The following PHLDB3 variants were observed in gnomAD, a reference collection of about 807,000 sequenced individuals.
The protein encoded by PHLDB3 is pleckstrin homology like domain family B member 3.
In PHLDB3, 86 loss-of-function variants were observed where a neutral mutation model predicts 85.7. The ratio of observed to expected loss-of-function variants is 1.00; its 90% CI spans 0.84 to 1.20. The LOEUF (loss-of-function observed/expected upper bound fraction) is 1.20, where lower values mean the gene tolerates loss of function less well. Among genes scored for constraint, PHLDB3 ranks in the 50% most tolerant of loss-of-function variants. The pLI, the probability that PHLDB3 is intolerant of heterozygous loss-of-function variation, is 0.00. For missense variants in PHLDB3, 995 were observed against 873.0 expected, an observed-to-expected ratio of 1.14 and a Z score of -1.76; for synonymous variants, 376 against 349.8, an observed-to-expected ratio of 1.07 and a Z score of -0.83.
At chr19:43,489,836 G>A (rs1443155241) in intron 9 of PHLDB3, among the ~76,000 whole-genome samples, 4 of 151,656 alleles carry the variant, frequency 2.6e-5, no homozygotes, top group African/African-American at 7.3e-5. Context: ...GTGAAACCCC[G>A]TCTCTACTAA....
Position 43,497,635 on chromosome 19 carries a change from C to A in PHLDB3, c.663+113G>T, listed in dbSNP as rs796920440. On this transcript the variant is annotated intron_variant, in intron 5 of 15. Coordinates refer to ENST00000292140, the MANE Select transcript of PHLDB3 (RefSeq NM_198850.4). ...GCTGAGATGGGAGAATCGCTTGAAC[C>A]TGGGAGGCGGAGGTTGCAGTGAGCC... 103 of 1,150,630 alleles carry A rather than the reference C, an allele frequency of 9.0e-5. 1 individual carries two copies. The African/African-American group carries it at 1.4e-3, about 16-fold the overall frequency. The allele number at this position is 1,150,630 out of a possible 1,614,324, so 71.3% of individuals were successfully genotyped here. A position where few individuals can be genotyped will look rare whatever the true frequency, so the allele number is the denominator to read the frequency against.
chr19:43,499,961 G>A (rs893921243), intron 4 of PHLDB3, among the ~76,000 whole-genome samples: 1 of 151,934 alleles, frequency 6.6e-6, no homozygotes, highest in Admixed American at 6.6e-5. Flanking sequence ...GGCTGGCCTC[G>A]AACTGCGGTG....
chr19:43,478,082 C>T lies in PHLDB3; in HGVS notation c.1753G>A (p.Glu585Lys), dbSNP rs1599930631. 6.2e-7 allele frequency: 1 copy of T among 1,613,634 alleles called. No individual in the cohort carries two copies. The highest frequency in any genetic ancestry group is 1.3e-5 in the African/African-American group (1 of 74,998). ...KGVIYFQAIEEVYYDHLRCAF... is the reference protein window; with the variant it reads ...KGVIYFQAIEKVYYDHLRCAF... ...CAGCGTAAGTGGTCATAATAGACTTCCTCAATGGCCTGGAAGTAGATGACA... is the reference window on the plus strand; with the variant it reads ...CAGCGTAAGTGGTCATAATAGACTTTCTCAATGGCCTGGAAGTAGATGACA... The change falls in exon 15 of 16, where the codon GAA (glutamate) becomes AAA (lysine). Residue 585 changes from glutamate (E) to lysine (K), a missense_variant. Coordinates refer to ENST00000292140, the MANE Select transcript of PHLDB3 (RefSeq NM_198850.4).
In PHLDB3 at chr19:43,501,905, C is replaced by T. The variant is rs373598062; in HGVS notation, c.397-34G>A. On this transcript the variant is annotated intron_variant, in intron 3 of 15. Transcript: ENST00000292140. The stretch of plus-strand genomic sequence containing the variant: ...AGAATGCCAGGGCTGGGGGCTCGGA[C>T]GCCTAGGTCCAAGGAAGAGGCCCAG... 9.7e-6 allele frequency: 15 copies of T among 1,553,576 alleles called. No homozygotes were observed. In the East Asian group the frequency reaches 1.2e-4, roughly 12 times the overall value.
At chr19:43,485,148 C>G (rs1204360645) in intron 13 of PHLDB3, among the ~76,000 whole-genome samples, 2 of 151,810 alleles carry the variant, frequency 1.3e-5, no homozygotes, top group Admixed American at 6.6e-5. Context: ...GCAGTGGGCA[C>G]CTGGGGGTCT....
intron 9 of PHLDB3, among the ~76,000 whole-genome samples, chr19:43,490,569 T>C (rs1419857241): frequency 6.6e-6 from 1 of 151,728 alleles, no homozygotes; most frequent in Non-Finnish European, 1.5e-5. Context: ...AATTGAAAAC[T>C]AAAAAAAATA....
In PHLDB3 at chr19:43,479,611, G is replaced by A. The variant is rs775341943; in HGVS notation, c.1486-18C>T. 47 of 1,495,198 alleles carry A rather than the reference G, an allele frequency of 3.1e-5. No homozygotes were observed. The South Asian group carries it at 3.7e-4, about 12-fold the overall frequency. 92.6% of individuals were successfully genotyped at this position (1,495,198 alleles called of 1,614,324 possible). ...GGTGGGGCCTGGGGAGCAAAGAGAC[G>A]GGGCAGCTGATGTAAGGGGCGGGGG... On this transcript the variant is annotated intron_variant, in intron 13 of 15. Transcript: ENST00000292140.
intron 9 of PHLDB3, among the ~76,000 whole-genome samples, chr19:43,491,872 C>T (rs1971321069): frequency 6.6e-6 from 1 of 151,328 alleles, no homozygotes; most frequent in South Asian, 2.1e-4. Context: ...GTCTCGATCT[C>T]CTGACCTTAT....
chr19:43,503,998 G>A lies in PHLDB3; in HGVS notation c.121C>T (p.Leu41=), dbSNP rs762547440. ...ESREQEASEV[L]AEPSSRGGAE... ...CCCCCGCGGCTCGAAGGTTCCGCCA[G>A]GACTTCGGATGCCTCCTGTTCCCGG... The change falls in exon 2 of 16, where the codon CTG becomes TTG. Residue 41 remains leucine (L), a synonymous_variant. Coordinates refer to ENST00000292140, the MANE Select transcript of PHLDB3 (RefSeq NM_198850.4). 6.2e-7 allele frequency: 1 copy of A among 1,613,950 alleles called. No homozygotes were observed.
At chr19:43,489,610 G>A (rs1971267311) in intron 9 of PHLDB3, among the ~76,000 whole-genome samples, 1 of 151,932 alleles carries the variant, frequency 6.6e-6, no homozygotes, top group South Asian at 2.1e-4. Flanking sequence ...CGAGGAGAAT[G>A]TTAACTTTTT....
intron 15 of PHLDB3, among the ~76,000 whole-genome samples, chr19:43,477,036 C>A (rs976356284): frequency 6.6e-6 from 1 of 152,076 alleles, no homozygotes; most frequent in Admixed American, 6.6e-5. Context: ...AACTCCTGGC[C>A]TCCTGCAGTC....
rs536997332 is a variant in PHLDB3 at position 43,477,169 on chromosome 19, C to T, written c.1788+878G>A. On this transcript the variant is annotated intron_variant, in intron 15 of 15. Transcript: ENST00000292140. ...GCTGTGACCTCTCCATTCATTTATT[C>T]CCAGTTGGACATCAGAGTCTGCCAT... Among the ~76,000 whole-genome samples the T allele has an allele frequency of 6.6e-5, 10 of 152,290 alleles. No individual in the cohort carries two copies. In the East Asian group the frequency reaches 1.9e-3, roughly 29 times the overall value.
chr19:43,499,913 G>C (rs1038958421), intron 4 of PHLDB3, among the ~76,000 whole-genome samples: 1 of 151,862 alleles, frequency 6.6e-6, no homozygotes, highest in Non-Finnish European at 1.5e-5. Flanking sequence ...CTAATTTTTT[G>C]TATTTTTAGT....
In PHLDB3 at chr19:43,495,647, C is replaced by T. The variant is rs769864664; in HGVS notation, c.826-27G>A. ...TGTCCCGGTTACTCATCTGTCACGG[C>T]CCCAGCCAGCTCTCCAGGCCACCCT... is the stretch of plus-strand genomic sequence containing the variant. On this transcript the variant is annotated intron_variant, in intron 6 of 15. Coordinates refer to ENST00000292140, the MANE Select transcript of PHLDB3 (RefSeq NM_198850.4). 4 of 1,592,594 alleles carry T rather than the reference C, an allele frequency of 2.5e-6. No individual in the cohort carries two copies. In the East Asian group the frequency reaches 9.1e-5, roughly 36 times the overall value.
In PHLDB3 at chr19:43,502,339, A is replaced by G. The variant is rs556649865; in HGVS notation, c.214-56T>C. On this transcript the variant is annotated intron_variant, in intron 2 of 15. Transcript: ENST00000292140. ...GATGCCTCGCCCCCTGCAATCACTA[A>G]GTAGGTCTGGTCCCCACCCAACATC... 5.1e-5 allele frequency: 77 copies of G among 1,496,384 alleles called. 1 individual carries two copies. The South Asian group carries it at 9.2e-4, about 18-fold the overall frequency. 92.7% of individuals were successfully genotyped at this position (1,496,384 alleles called of 1,614,324 possible). A position where few individuals can be genotyped will look rare whatever the true frequency, so the allele number is the denominator to read the frequency against.
At position 43,494,691 on chromosome 19, in the gene PHLDB3, G is replaced by C; in HGVS notation, c.1149+11C>G. 1.3e-6 allele frequency: 2 copies of C among 1,596,388 alleles called. No homozygotes were observed. Among genetic ancestry groups the C allele is most frequent in the Non-Finnish European group, 1.7e-6 (2 of 1,167,260 alleles). On this transcript the variant is annotated intron_variant, in intron 9 of 15. Coordinates refer to ENST00000292140, the MANE Select transcript of PHLDB3 (RefSeq NM_198850.4). Reference sequence around the variant, plus strand: ...AGATATATGGGGAAACAGAGGCCGTGGGGGAGGCACCTGCAGGGAGCTGTG... The same window carrying C: ...AGATATATGGGGAAACAGAGGCCGTCGGGGAGGCACCTGCAGGGAGCTGTG...
intron 6 of PHLDB3, chr19:43,496,848 C>T: frequency 7.0e-6 from 3 of 429,958 alleles, no homozygotes; most frequent in Non-Finnish European, 1.2e-5. Flanking sequence ...AGCACCTTGA[C>T]CTTCAGCTTC....
chr19:43,495,841 G>C, intron 6 of PHLDB3: 1 of 573,682 alleles, frequency 1.7e-6, no homozygotes, highest in Non-Finnish European at 3.0e-6. Flanking sequence ...GGGATGGACA[G>C]AGAGAACAGT....
At position 43,479,584 on chromosome 19, in the gene PHLDB3, TG is replaced by T; in HGVS notation, c.1494del (p.Thr499ProfsTer42). The T allele has an allele frequency of 7.7e-6, 1 of 130,266 alleles. No homozygotes were observed. The highest frequency in any genetic ancestry group is 1.6e-5 in the Non-Finnish European group (1 of 63,700). 8.1% of individuals were successfully genotyped at this position (130,266 alleles called of 1,614,324 possible). A position where few individuals can be genotyped will look rare whatever the true frequency, so the allele number is the denominator to read the frequency against. On this transcript the variant is annotated frameshift_variant, in exon 14 of 16. Coordinates refer to ENST00000292140, the MANE Select transcript of PHLDB3 (RefSeq NM_198850.4). LOFTEE classifies it high-confidence loss of function. Reference sequence around the variant, plus strand: ...CGCGGGCCTGGAGGGTGGGGTGGGGTGGGTGGGGCCTGGGGAGCAAAGAGAC... The same window carrying T: ...CGCGGGCCTGGAGGGTGGGGTGGGGTGGTGGGGCCTGGGGAGCAAAGAGAC... ...GPAVPAITAPPTPPHPPGPRI... is the reference protein window; with the variant it reads ...GPAVPAITAPXTPPHPPGPRI...
Sources: allele counts gnomAD v4.1 joint callset (sites outside exome capture counted in the v4.1 genomes callset), GRCh38; gene constraint gnomAD v4.1.1; transcripts MANE v1.5; gene names NCBI Gene and HGNC (gene_info 2026-07-23, HGNC 2026-07-21).